FAM13A: variants seen among roughly 807,000 people sequenced by gnomAD.
FAM13A encodes family with sequence similarity 13 member A.
Under a neutral mutation model 129.6 loss-of-function variants are expected in FAM13A, and 76 were observed. The observed-to-expected ratio is 0.59, with a 90% CI of 0.49 to 0.71. The LOEUF is 0.71. Ranked by LOEUF, FAM13A falls within the 30% of genes least tolerant of loss-of-function variation. The pLI, the probability that FAM13A is intolerant of heterozygous loss-of-function variation, is 0.00. For synonymous variants in FAM13A, 443 were observed against 449.9 expected (o/e 0.98, Z 0.20); for missense variants, 1,108 against 1,249.3 (o/e 0.89, Z 1.70).
At position 88,802,477 on chromosome 4, in the gene FAM13A, T is replaced by C. The variant is rs919998391; in HGVS notation, c.1049+2534A>G. Among the ~76,000 whole-genome samples, 48 of 152,150 alleles carry C rather than the reference T, an allele frequency of 3.2e-4. 1 individual carries two copies. The highest frequency in any genetic ancestry group is 6.3e-3 in the Middle Eastern group (2 of 316). On this transcript the variant is annotated intron_variant, in intron 8 of 23. Transcript: ENST00000264344. ...GAGTTATCACAGAAGATATTTGATTTAGAATAAAAATATGAGTGTGTGTCT... is the reference window on the plus strand; with the variant it reads ...GAGTTATCACAGAAGATATTTGATTCAGAATAAAAATATGAGTGTGTGTCT...
At chr4:88,885,538 C>A (rs1744264106) in intron 6 of FAM13A, among the ~76,000 whole-genome samples, 1 of 152,168 alleles carries the variant, frequency 6.6e-6, no homozygotes, top group East Asian at 1.9e-4. Flanking sequence ...AATCTAAGAC[C>A]TGAGCCCACA....
intron 7 of FAM13A, among the ~76,000 whole-genome samples, chr4:88,810,848 CAG>C (rs1184808117): frequency 1.3e-5 from 2 of 152,076 alleles, no homozygotes; most frequent in African/African-American, 4.8e-5. Context: ...ACATATAAAT[CAG>C]ATATAAATTT....
At chr4:88,972,299 C>CTTTTTTTT (rs57674045) in intron 4 of FAM13A, among the ~76,000 whole-genome samples, 1 of 137,620 alleles carries the variant, frequency 7.3e-6, no homozygotes. Flanking sequence ...TTCTCCTTCA[C>CTTTTTTTT]TTTTTTTTTT....
chr4:88,881,512 T>C (rs760565634), intron 6 of FAM13A, among the ~76,000 whole-genome samples: 24 of 152,140 alleles, frequency 1.6e-4, no homozygotes, highest in Non-Finnish European at 3.1e-4. Flanking sequence ...TCTGACATAG[T>C]CTACCCAAAT....
At chr4:88,887,735 G>T (rs1744686647) in intron 6 of FAM13A, among the ~76,000 whole-genome samples, 1 of 151,972 alleles carries the variant, frequency 6.6e-6, no homozygotes, top group African/African-American at 2.4e-5. Flanking sequence ...GTTTCACTAT[G>T]TTGGCCAGGC....
chr4:88,814,204 A>T (rs1207082258), intron 7 of FAM13A, among the ~76,000 whole-genome samples: 2 of 152,222 alleles, frequency 1.3e-5, no homozygotes, highest in Non-Finnish European at 2.9e-5. Flanking sequence ...CCATAGAGGC[A>T]GTCAACGGCT....
intron 7 of FAM13A, among the ~76,000 whole-genome samples, chr4:88,848,285 C>T (rs11944063): frequency 0.013 from 1,965 of 152,300 alleles, 46 homozygotes; most frequent in African/African-American, 0.045. Flanking sequence ...GTACAGCGCT[C>T]AAGCTGCGTT....
intron 6 of FAM13A, among the ~76,000 whole-genome samples, chr4:88,868,784 A>G (rs961338145): frequency 6.6e-6 from 1 of 152,104 alleles, no homozygotes; most frequent in Non-Finnish European, 1.5e-5. Context: ...ATACATATAT[A>G]ATCTCTCTAT....
chr4:88,867,659 T>C (rs78201978), intron 6 of FAM13A, among the ~76,000 whole-genome samples: 22 of 152,338 alleles, frequency 1.4e-4, no homozygotes, highest in African/African-American at 5.3e-4. Context: ...GTACTATATT[T>C]TGCATGTTTC....
intron 3 of FAM13A, among the ~76,000 whole-genome samples, chr4:89,015,271 G>T (rs1016998294): frequency 1.3e-5 from 2 of 152,088 alleles, no homozygotes; most frequent in African/African-American, 4.8e-5. Context: ...GCCTCCATTT[G>T]CCTTGTAATA....
At chr4:88,920,584 A>C (rs998896439) in intron 5 of FAM13A, among the ~76,000 whole-genome samples, 5 of 152,260 alleles carry the variant, frequency 3.3e-5, no homozygotes, top group Non-Finnish European at 7.4e-5. Context: ...AAGTAGATAA[A>C]ACCACAAAGA....
chr4:88,983,964 C>A (rs1761939709), intron 4 of FAM13A, among the ~76,000 whole-genome samples: 1 of 152,078 alleles, frequency 6.6e-6, no homozygotes, highest in African/African-American at 2.4e-5. Context: ...ATATACAGAT[C>A]AATGGAATAT....
chr4:88,938,791 T>A (rs929558901), intron 4 of FAM13A, among the ~76,000 whole-genome samples: 5 of 152,196 alleles, frequency 3.3e-5, no homozygotes, highest in Non-Finnish European at 7.3e-5. Context: ...TAGTTGAAAA[T>A]ATATCTGAAT....
intron 6 of FAM13A, among the ~76,000 whole-genome samples, chr4:88,891,618 G>A (rs529573080): frequency 5.3e-5 from 8 of 152,156 alleles, no homozygotes; most frequent in African/African-American, 1.9e-4. Flanking sequence ...GTTGAGAACT[G>A]GTTTATTCCA....
At chr4:88,915,463 T>C (rs747354278) in intron 5 of FAM13A, among the ~76,000 whole-genome samples, 1 of 152,198 alleles carries the variant, frequency 6.6e-6, no homozygotes, top group Non-Finnish European at 1.5e-5. Flanking sequence ...AATTTTGAAC[T>C]AATTATAATT....
At chr4:88,946,438 C>T (rs186968685) in intron 4 of FAM13A, among the ~76,000 whole-genome samples, 2 of 94,730 alleles carry the variant, frequency 2.1e-5, no homozygotes, top group African/African-American at 4.2e-5. Context: ...ACACCAAAAA[C>T]TTCATTCCCA....
chr4:88,783,489 G>A (rs937354083), intron 10 of FAM13A, among the ~76,000 whole-genome samples: 4 of 152,008 alleles, frequency 2.6e-5, no homozygotes, highest in Admixed American at 2.6e-4. Context: ...AGTAGAGATG[G>A]GGTTTCATCA....
At chr4:88,774,152 T>A (rs1228227326) in intron 11 of FAM13A, among the ~76,000 whole-genome samples, 2 of 152,130 alleles carry the variant, frequency 1.3e-5, no homozygotes, top group East Asian at 1.9e-4. Flanking sequence ...TTCCCTCACC[T>A]CCTTCAGGCC....
chr4:88,946,755 C>T (rs1371753805), intron 4 of FAM13A, among the ~76,000 whole-genome samples: 1 of 151,790 alleles, frequency 6.6e-6, no homozygotes, highest in Non-Finnish European at 1.5e-5. Flanking sequence ...GGCTAAGGAG[C>T]CAGAGTTATT....
Sources: gnomAD v4.1 joint callset for allele counts (sites outside exome capture counted in the v4.1 genomes callset) on GRCh38, gnomAD v4.1.1 for gene constraint, MANE v1.5 for transcripts, NCBI Gene and HGNC (gene_info 2026-07-23, HGNC 2026-07-21) for gene names.